The following BMP1 variants were observed in gnomAD, a reference collection of about 807,000 sequenced individuals.
The protein encoded by BMP1 is bone morphogenetic protein 1, also known as mammalian tolloid protein.
BMP1 carries 63 observed loss-of-function variants against 116.8 expected under a neutral mutation model. That is an observed-to-expected ratio of 0.54 (90% CI 0.44 to 0.67). The LOEUF is 0.67. BMP1 is among the 30% of genes least tolerant of loss of function. BMP1 has a pLI of 0.00. For synonymous variants in BMP1, 536 were observed against 533.4 expected (o/e 1.00, Z -0.07); for missense variants, 1,183 against 1,358.9 (o/e 0.87, Z 2.04).
At chr8:22,206,760 AAGG>A (rs780452561) in intron 16 of BMP1, 91 bp from the exon 17 acceptor site, 10 of 1,542,836 alleles carry the variant, frequency 6.5e-6, no homozygotes, top group African/African-American at 1.5e-5. Flanking sequence ...AGATGGAAGA[AAGG>A]AGGGGGGGCA....
intron 13 of BMP1, chr8:22,196,156 G>A: frequency 1.9e-6 from 1 of 513,550 alleles, no homozygotes; most frequent in East Asian, 5.5e-5. Context: ...ATCTTGACTT[G>A]CTAACTGATA....
chr8:22,190,404 G>A (rs1308737144), intron 8 of BMP1, among the ~76,000 whole-genome samples: 3 of 152,176 alleles, frequency 2.0e-5, no homozygotes, highest in South Asian at 2.1e-4. Context: ...GGGGGTGACC[G>A]GCAGTGGCAT....
chr8:22,189,159 G>A (rs190535391), intron 8 of BMP1, among the ~76,000 whole-genome samples: 2 of 152,178 alleles, frequency 1.3e-5, no homozygotes, highest in East Asian at 1.9e-4. Flanking sequence ...CTAAGCATTG[G>A]TAACACTTTC....
At chr8:22,203,147 G>A (rs1363814350) in intron 16 of BMP1, among the ~76,000 whole-genome samples, 1 of 152,178 alleles carries the variant, frequency 6.6e-6, no homozygotes, top group African/African-American at 2.4e-5. Context: ...TTGCCTGCTG[G>A]GTGTGTCCAA....
At chr8:22,199,362 C>T (rs754409445) in intron 15 of BMP1, 1 of 1,309,604 alleles carries the variant, frequency 7.6e-7, no homozygotes. Flanking sequence ...CCCCTGCCAC[C>T]TTCCGGGGCA....
At position 22,176,236 on chromosome 8, in the gene BMP1, G is replaced by A. The variant is rs972285384; in HGVS notation, c.356G>A (p.Arg119Gln). ...AGATGGAGAGGTAGATCCCGTAGCC[G>A]GCGGGCGGCGACGTCCCGACCAGAG... ...CGRWRGRSRS[R>Q]RAATSRPERV... The change falls in exon 3 of 20, where the codon CGG becomes CAG. Residue 119 changes from arginine to glutamine, a missense_variant. This residue lies in a region of BMP1 where 185 missense variants were observed against 158.9 expected (regional missense o/e 1.16). Coordinates refer to ENST00000306385, the MANE Select transcript of BMP1 (RefSeq NM_006129.5). 7 of 1,613,786 alleles carry A rather than the reference G, an allele frequency of 4.3e-6. No homozygotes were observed. The highest frequency in any genetic ancestry group is 2.2e-5 in the East Asian group (1 of 44,896).
intron 1 of BMP1, chr8:22,170,239 T>C (rs1828238277): frequency 1.3e-5 from 2 of 152,474 alleles, no homozygotes; most frequent in Non-Finnish European, 2.9e-5. Flanking sequence ...TTCTGTGGCC[T>C]CTGCACCAGG....
chr8:22,201,006 C>CCCCCCCAAAA, intron 15 of BMP1: 1 of 457,204 alleles, frequency 2.2e-6, no homozygotes, highest in Non-Finnish European at 4.0e-6. Flanking sequence ...CCACCCTGCC[C>CCCCCCCAAAA]CTCAGATCCA....
At chr8:22,210,294 C>T (rs1359984054) in intron 19 of BMP1, among the ~76,000 whole-genome samples, 2 of 151,908 alleles carry the variant, frequency 1.3e-5, no homozygotes, top group Non-Finnish European at 2.9e-5. Context: ...TGGGCTTTTC[C>T]CTAAGGACAT....
At chr8:22,180,576 A>C in intron 8 of BMP1, 93 bp downstream of exon 8, 1 of 1,161,122 alleles carries the variant, frequency 8.6e-7, no homozygotes. Context: ...TATGGGTGCC[A>C]GCGACCTACC....
chr8:22,178,077 G>C, intron 6 of BMP1, 120 bp downstream of exon 6: 1 of 804,022 alleles, frequency 1.2e-6, no homozygotes, highest in Non-Finnish European at 2.0e-6. Context: ...TGGCCCTCTG[G>C]GGGGCTGTGG....
intron 8 of BMP1, among the ~76,000 whole-genome samples, chr8:22,188,395 C>G (rs1828838489): frequency 6.6e-6 from 1 of 152,098 alleles, no homozygotes; most frequent in African/African-American, 2.4e-5. Flanking sequence ...GTCTCAAACT[C>G]CTGAGCTCAA....
rs1829273730 is a variant in BMP1 at position 22,201,925 on chromosome 8, G to C, written c.2230G>C (p.Glu744Gln). The C allele has an allele frequency of 1.2e-6, 2 of 1,612,314 alleles. No homozygotes were observed. The highest frequency in any genetic ancestry group is 1.7e-6 in the Non-Finnish European group (2 of 1,179,146). Residue 744 changes from glutamate to glutamine, a missense_variant, in exon 16 of 20, where the codon GAA becomes CAA. Physicochemically the swap from Glu to Gln is conservative, Grantham distance 29 (BLOSUM62 2). Transcript: ENST00000306385. ...CCATGACAACAAGCACGACTGCAAA[G>C]AAGGTACGGGCTGCATGCCAGGGGC... The part of the protein sequence containing the change: ...VLHDNKHDCK[E>Q]AGCDHKVTST...
At chr8:22,185,077 G>C (rs561562693) in intron 8 of BMP1, among the ~76,000 whole-genome samples, 1 of 152,220 alleles carries the variant, frequency 6.6e-6, no homozygotes, top group Non-Finnish European at 1.5e-5. Context: ...CTACACTCTT[G>C]TAATTAGCAG....
chr8:22,184,333 G>A (rs1304699202), intron 8 of BMP1, among the ~76,000 whole-genome samples: 3 of 152,344 alleles, frequency 2.0e-5, no homozygotes, highest in East Asian at 3.9e-4. Flanking sequence ...GACGCACATG[G>A]CCTTGCCCCA....
chr8:22,197,826 T>C (rs1378359562), intron 15 of BMP1, among the ~76,000 whole-genome samples: 1 of 152,180 alleles, frequency 6.6e-6, no homozygotes, highest in Non-Finnish European at 1.5e-5. Context: ...GCAGAGTCTC[T>C]GGCAGTGGCG....
chr8:22,176,698 C>T, intron 4 of BMP1, 48 bp downstream of exon 4: 1 of 1,593,436 alleles, frequency 6.3e-7, no homozygotes, highest in Non-Finnish European at 8.6e-7. Context: ...TGCCCCAACC[C>T]AGGTTCTGCC....
At chr8:22,209,760 C>T in intron 19 of BMP1, 65 bp downstream of exon 19, 5 of 1,551,512 alleles carry the variant, frequency 3.2e-6, no homozygotes, top group South Asian at 1.2e-5. Context: ...CTCCACCCTT[C>T]TCAGCCCAGT....
At chr8:22,206,371 G>A (rs527354021) in intron 16 of BMP1, among the ~76,000 whole-genome samples, 13 of 152,058 alleles carry the variant, frequency 8.5e-5, no homozygotes, top group South Asian at 6.2e-4. Context: ...AGATGGTGGC[G>A]CACGTCTGTA....
Sources: gnomAD v4.1 joint callset for allele counts (sites outside exome capture counted in the v4.1 genomes callset) on GRCh38, gnomAD v4.1.1 for gene constraint, gnomAD v4.1.1 regional missense constraint, MANE v1.5 for transcripts, NCBI Gene and HGNC (gene_info 2026-07-23, HGNC 2026-07-21) for gene names.